GPR158: variants seen among roughly 807,000 people sequenced by gnomAD.
GPR158 encodes the protein metabotropic glycine receptor.
In GPR158, 30 loss-of-function variants were observed where a neutral mutation model predicts 78.2. The ratio of observed to expected loss-of-function variants is 0.38; its 90% CI spans 0.29 to 0.52. The LOEUF (loss-of-function observed/expected upper bound fraction) is 0.52, where lower values mean the gene tolerates loss of function less well. GPR158 is among the 20% of genes least tolerant of loss of function. GPR158 has a pLI of 0.83. For synonymous variants in GPR158, 581 were observed against 591.1 expected, an observed-to-expected ratio of 0.98 and a Z score of 0.25; for missense variants, 1,463 against 1,523.5, an observed-to-expected ratio of 0.96 and a Z score of 0.66.
At chr10:25,391,899 GGTA>G (rs1834303678) in intron 2 of GPR158, among the ~76,000 whole-genome samples, 1 of 152,108 alleles carries the variant, frequency 6.6e-6, no homozygotes, top group South Asian at 2.1e-4. Flanking sequence ...GGAGGGAACT[GGTA>G]GGAAGTAATT....
At chr10:25,257,494 G>A (rs1853905629) in intron 2 of GPR158, among the ~76,000 whole-genome samples, 1 of 152,188 alleles carries the variant, frequency 6.6e-6, no homozygotes, top group Admixed American at 6.5e-5. Context: ...GAGAAGGAAA[G>A]TAATAATTCT....
intron 4 of GPR158, among the ~76,000 whole-genome samples, chr10:25,437,068 A>G (rs1428116385): frequency 1.3e-5 from 2 of 152,172 alleles, no homozygotes; most frequent in Admixed American, 6.5e-5. Context: ...GCCTAATATA[A>G]GCTTATCACG....
intron 9 of GPR158, among the ~76,000 whole-genome samples, 175 bp from the exon 10 acceptor site, chr10:25,596,468 T>C (rs1424142892): frequency 6.6e-6 from 1 of 152,096 alleles, no homozygotes; most frequent in African/African-American, 2.4e-5. Context: ...AGACCCTGTC[T>C]GTTTGTCTGT....
chr10:25,494,591 G>A (rs1344565982), intron 5 of GPR158, among the ~76,000 whole-genome samples: 1 of 152,116 alleles, frequency 6.6e-6, no homozygotes, highest in Non-Finnish European at 1.5e-5. Context: ...CAATCGTGTA[G>A]TAGTCAACTA....
chr10:25,449,315 A>G (rs1835183166), intron 4 of GPR158, among the ~76,000 whole-genome samples: 1 of 152,230 alleles, frequency 6.6e-6, no homozygotes, highest in African/African-American at 2.4e-5. Context: ...AAATTCCAGA[A>G]TAATGTAAAA....
intron 2 of GPR158, among the ~76,000 whole-genome samples, chr10:25,332,292 T>C (rs558965138): frequency 2.0e-5 from 3 of 152,318 alleles, no homozygotes; most frequent in Non-Finnish European, 4.4e-5. Context: ...TTGATGAAGA[T>C]AGAAAATAGT....
rs866739071 is a variant in GPR158, at chr10:25,288,704, A to G, written c.1008+67547A>G. ...TCTTCATTCAGGCAGGGAACAAAGT[A>G]AATATCTGTAGTTGGGAATTTTCTA... On this transcript the variant is annotated intron_variant, in intron 2 of 10. Transcript: ENST00000376351. Among the ~76,000 whole-genome samples the G allele has an allele frequency of 5.9e-4, 90 of 152,336 alleles. No individual in the cohort carries two copies. The Middle Eastern group carries it at 0.014, about 23-fold the overall frequency.
chr10:25,444,270 T>C (rs1835108044), intron 4 of GPR158, among the ~76,000 whole-genome samples: 1 of 146,880 alleles, frequency 6.8e-6, no homozygotes, highest in African/African-American at 2.5e-5. Context: ...GGGAGGGGCA[T>C]GTGTATATAT....
intron 1 of GPR158, among the ~76,000 whole-genome samples, chr10:25,212,018 A>G (rs180740829): frequency 2.0e-5 from 3 of 152,202 alleles, no homozygotes; most frequent in Admixed American, 2.0e-4. Context: ...AACTTAAGCT[A>G]TTTCTCAAAA....
At chr10:25,441,162 A>G (rs573369641) in intron 4 of GPR158, among the ~76,000 whole-genome samples, 1 of 152,252 alleles carries the variant, frequency 6.6e-6, no homozygotes, top group Non-Finnish European at 1.5e-5. Flanking sequence ...TTTGAGCTTC[A>G]GGACTCTCTT....
At chr10:25,500,019 C>T (rs903628821) in intron 5 of GPR158, among the ~76,000 whole-genome samples, 10 of 152,214 alleles carry the variant, frequency 6.6e-5, no homozygotes, top group Non-Finnish European at 1.3e-4. Flanking sequence ...GTGATTTTAG[C>T]ATATGATTAA....
chr10:25,387,150 C>G (rs1451344704), intron 2 of GPR158, among the ~76,000 whole-genome samples: 1 of 152,026 alleles, frequency 6.6e-6, no homozygotes, highest in Admixed American at 6.6e-5. Flanking sequence ...TAATTTCCTC[C>G]TATTTTTAGT....
At chr10:25,312,123 C>A (rs952687926) in intron 2 of GPR158, among the ~76,000 whole-genome samples, 1 of 151,904 alleles carries the variant, frequency 6.6e-6, no homozygotes, top group Admixed American at 6.6e-5. Flanking sequence ...TTCCTTTATA[C>A]TCCCAAACTT....
intron 2 of GPR158, among the ~76,000 whole-genome samples, chr10:25,226,622 A>G (rs1384395659): frequency 6.6e-6 from 1 of 152,204 alleles, no homozygotes; most frequent in Non-Finnish European, 1.5e-5. Flanking sequence ...GGATATTTAC[A>G]TTTTAGTTGT....
At chr10:25,426,555 A>G (rs1433218069) in intron 4 of GPR158, among the ~76,000 whole-genome samples, 2 of 152,006 alleles carry the variant, frequency 1.3e-5, no homozygotes, top group African/African-American at 2.4e-5. Context: ...GTCTCAGGGA[A>G]TAGGGCCCAA....
intron 2 of GPR158, among the ~76,000 whole-genome samples, chr10:25,304,420 C>T (rs61136652): frequency 0.2 from 30,696 of 151,850 alleles, 5,236 homozygotes; most frequent in African/African-American, 0.47. Flanking sequence ...ACAATTCTGG[C>T]TCCAGAAGAA....
At chr10:25,455,509 T>C (rs1835278945) in intron 4 of GPR158, among the ~76,000 whole-genome samples, 1 of 152,162 alleles carries the variant, frequency 6.6e-6, no homozygotes, top group Non-Finnish European at 1.5e-5. Context: ...TCTTTCTGAG[T>C]TGATAGTCTG....
At chr10:25,435,643 T>C (rs1219604872) in intron 4 of GPR158, among the ~76,000 whole-genome samples, 1 of 152,178 alleles carries the variant, frequency 6.6e-6, no homozygotes, top group Non-Finnish European at 1.5e-5. Context: ...TTTATTTTAT[T>C]TGAAGTGCAG....
At chr10:25,235,976 G>C (rs563967668) in intron 2 of GPR158, among the ~76,000 whole-genome samples, 1 of 152,144 alleles carries the variant, frequency 6.6e-6, no homozygotes, top group Non-Finnish European at 1.5e-5. Context: ...GATTACAGGC[G>C]TGAGCCACTG....
Sources: gnomAD v4.1 joint callset for allele counts (sites outside exome capture counted in the v4.1 genomes callset) on GRCh38, gnomAD v4.1.1 for gene constraint, MANE v1.5 for transcripts, NCBI Gene and HGNC (gene_info 2026-07-23, HGNC 2026-07-21) for gene names.